MTCL2: variants seen among roughly 807,000 people sequenced by gnomAD.
The protein encoded by MTCL2 is microtubule crosslinking factor 2, also known as microtubule cross-linking factor 2.
chr20:36,840,337 T>A, the MTCL2 span, among the ~76,000 whole-genome samples: 1 of 151,392 alleles, frequency 6.6e-6, no homozygotes, highest in African/African-American at 2.4e-5. Flanking sequence ...GCTAATTTTT[T>A]TTTTTTATTT....
chr20:36,829,707 C>T, the MTCL2 span, among the ~76,000 whole-genome samples: 1 of 151,782 alleles, frequency 6.6e-6, no homozygotes, highest in Non-Finnish European at 1.5e-5. Context: ...TATGTAGACA[C>T]GGGGTCTCAG....
chr20:36,863,045 A>T, the MTCL2 span: 2 of 1,407,710 alleles, frequency 1.4e-6, no homozygotes, highest in South Asian at 1.4e-5. This position sits in a 1 kb window ranked among gnomAD's most constrained non-coding sequence, Gnocchi z 6.2. Flanking sequence ...CCGAGCGCGG[A>T]CGGCCCTTGG....
chr20:36,826,399 G>A, the MTCL2 span, among the ~76,000 whole-genome samples: 94,845 of 97,436 alleles, frequency 0.97, 46,303 homozygotes, highest in Middle Eastern at 1. Context: ...CCCTCTCGAT[G>A]CAGGGTCTCA....
the MTCL2 span, among the ~76,000 whole-genome samples, chr20:36,827,063 A>T: frequency 6.5e-5 from 6 of 92,720 alleles, no homozygotes; most frequent in African/African-American, 2.3e-4. Context: ...TATTTATTTG[A>T]GATGGAGTTT....
chr20:36,842,938 G>A, the MTCL2 span, among the ~76,000 whole-genome samples: 2 of 152,172 alleles, frequency 1.3e-5, no homozygotes, highest in African/African-American at 4.8e-5. Context: ...GATCTGGAGA[G>A]CCGGATTCCT....
the MTCL2 span, chr20:36,828,903 T>C: frequency 1.3e-6 from 1 of 779,860 alleles, no homozygotes; most frequent in Admixed American, 3.1e-5. Flanking sequence ...AGGAAATGCA[T>C]GTTGGAGGAA....
At chr20:36,819,781 C>T in the MTCL2 span, among the ~76,000 whole-genome samples, 1 of 152,128 alleles carries the variant, frequency 6.6e-6, no homozygotes, top group Non-Finnish European at 1.5e-5. Context: ...TCAATCAAAT[C>T]CTAAAGAGAC....
the MTCL2 span, chr20:36,803,006 C>T: frequency 2.5e-6 from 4 of 1,598,986 alleles, no homozygotes; most frequent in South Asian, 4.5e-5. Flanking sequence ...CGCTGTAGGA[C>T]TCAGCTAGGA....
At chr20:36,833,346 C>T in the MTCL2 span, among the ~76,000 whole-genome samples, 19 of 152,366 alleles carry the variant, frequency 1.2e-4, no homozygotes, top group East Asian at 3.3e-3. Flanking sequence ...AAGGGAGGCG[C>T]GGCAGCTGCG....
chr20:36,787,290 C>T, the MTCL2 span, among the ~76,000 whole-genome samples: 1 of 151,848 alleles, frequency 6.6e-6, no homozygotes, highest in Non-Finnish European at 1.5e-5. Flanking sequence ...TGCAGTGGTA[C>T]GATCTTGACT....
chr20:36,826,356 CTCCCCCT>C, the MTCL2 span, among the ~76,000 whole-genome samples: 1 of 17,110 alleles, frequency 5.8e-5, no homozygotes, highest in Non-Finnish European at 1.4e-4. Context: ...CCCCTCCCCC[CTCCCCCT>C]CCCCCCTCCC....
chr20:36,800,838 C>G, the MTCL2 span, among the ~76,000 whole-genome samples: 21 of 152,144 alleles, frequency 1.4e-4, no homozygotes, highest in African/African-American at 5.1e-4. Flanking sequence ...GCAAAAAGGG[C>G]CTTCTTGTCC....
At chr20:36,826,156 G>A in the MTCL2 span, among the ~76,000 whole-genome samples, 56 of 150,188 alleles carry the variant, frequency 3.7e-4, no homozygotes, top group African/African-American at 1.2e-3. Context: ...ACAGGTGCCC[G>A]CCATCACTCC....
At chr20:36,815,801 G>A in the MTCL2 span, 1 of 1,592,918 alleles carries the variant, frequency 6.3e-7, no homozygotes, top group African/African-American at 1.3e-5. The surrounding 1 kb of genome is among the most constrained non-coding windows in gnomAD (Gnocchi z 5.3). Flanking sequence ...GCTCCGAGCG[G>A]AACTTGGCCA....
the MTCL2 span, among the ~76,000 whole-genome samples, chr20:36,842,062 G>A: frequency 2.6e-5 from 4 of 152,116 alleles, no homozygotes; most frequent in Non-Finnish European, 5.9e-5. Flanking sequence ...GAGGGTAAGA[G>A]TATGACCTCA....
chr20:36,815,868 A>C, the MTCL2 span: 1 of 1,606,406 alleles, frequency 6.2e-7, no homozygotes, highest in Non-Finnish European at 8.5e-7. This position sits in a 1 kb window ranked among gnomAD's most constrained non-coding sequence, Gnocchi z 5.3. Context: ...GCGCCGCAGC[A>C]GCTCGGCCTC....
At chr20:36,830,963 CA>C in the MTCL2 span, among the ~76,000 whole-genome samples, 1 of 152,138 alleles carries the variant, frequency 6.6e-6, no homozygotes, top group Non-Finnish European at 1.5e-5. Flanking sequence ...CCCAAAATGA[CA>C]AAGGGTGGGC....
the MTCL2 span, among the ~76,000 whole-genome samples, chr20:36,806,265 G>A: frequency 2.6e-5 from 4 of 152,142 alleles, no homozygotes; most frequent in African/African-American, 7.2e-5. Flanking sequence ...GGGTTGGACT[G>A]CTTGCTGATA....
chr20:36,817,005 A>C, the MTCL2 span, among the ~76,000 whole-genome samples: 3 of 151,986 alleles, frequency 2.0e-5, no homozygotes, highest in African/African-American at 7.2e-5. Context: ...AGTGGCTCAC[A>C]CCTGTAATCC....
Sources: allele counts gnomAD v4.1 joint callset (sites outside exome capture counted in the v4.1 genomes callset), GRCh38; gene constraint gnomAD v4.1.1; non-coding constraint Gnocchi (gnomAD v3.1); transcripts MANE v1.5; gene names NCBI Gene and HGNC (gene_info 2026-07-23, HGNC 2026-07-21).